Variants in CENPP observed in about 807,000 individuals in gnomAD.
CENPP encodes centromere protein P.
Under a neutral mutation model 35.6 loss-of-function variants are expected in CENPP, and 24 were observed. That is an observed-to-expected ratio of 0.67 (90% confidence interval 0.49 to 0.95). The LOEUF (loss-of-function observed/expected upper bound fraction) is 0.95. Among genes scored for constraint, CENPP ranks in the 40% least tolerant of loss-of-function variants. CENPP has a pLI of 0.00. For synonymous variants in CENPP, 120 were observed against 125.5 expected (o/e 0.96, Z 0.29); for missense variants, 332 against 345.3 (o/e 0.96, Z 0.31).
At chr9:92,563,922 A>G (rs992139173) in intron 5 of CENPP, among the ~76,000 whole-genome samples, 1 of 152,200 alleles carries the variant, frequency 6.6e-6, no homozygotes, top group African/African-American at 2.4e-5. Flanking sequence ...CCCAAAGGCT[A>G]CAGGGGAGGA....
At chr9:92,380,970 G>C (rs1170885165) in intron 5 of CENPP, among the ~76,000 whole-genome samples, 1 of 152,096 alleles carries the variant, frequency 6.6e-6, no homozygotes, top group Non-Finnish European at 1.5e-5. Flanking sequence ...TCTAGGAGCT[G>C]GTCTTTGCTA....
rs137908109 is a variant in CENPP at position 92,575,235 on chromosome 9, G to A, written c.565-36079G>A. On this transcript the variant is annotated intron_variant, in intron 5 of 7. Transcript: ENST00000375587. ...CTTAGTGAAAATGTAAAAGTTTTGTGTACTAACAGACATTATGAACAGTGA... is the reference window on the plus strand; with the variant it reads ...CTTAGTGAAAATGTAAAAGTTTTGTATACTAACAGACATTATGAACAGTGA... Among the ~76,000 whole-genome samples the A allele has an allele frequency of 2.6e-5, 4 of 152,242 alleles. No individual in the cohort carries two copies. In the East Asian group the frequency reaches 5.8e-4, roughly 22 times the overall value.
At chr9:92,400,609 A>C (rs1161401075) in intron 5 of CENPP, among the ~76,000 whole-genome samples, 1 of 152,174 alleles carries the variant, frequency 6.6e-6, no homozygotes, top group African/African-American at 2.4e-5. Flanking sequence ...TCTGTGATAG[A>C]GTAAGAGTAA....
In CENPP at chr9:92,616,169, G is replaced by C; in HGVS notation, c.*3020G>C. The C allele has an allele frequency of 1.4e-6, 1 of 733,678 alleles. No homozygotes were observed. Among genetic ancestry groups the C allele is most frequent in the South Asian group, 1.9e-5 (1 of 53,374 alleles). 45.4% of individuals were successfully genotyped at this position (733,678 alleles called of 1,614,324 possible). A position where few individuals can be genotyped will look rare whatever the true frequency, so the allele number is the denominator to read the frequency against. Reference sequence around the variant, plus strand: ...TAGTATGTTTTTATGTTTTTTCTTTGACTTCTGCAAAGTTAGATAAATCAA... The same window carrying C: ...TAGTATGTTTTTATGTTTTTTCTTTCACTTCTGCAAAGTTAGATAAATCAA... On this transcript the variant is annotated 3_prime_UTR_variant, in exon 8 of 8. Coordinates refer to ENST00000375587, the MANE Select transcript of CENPP (RefSeq NM_001012267.3).
At chr9:92,587,560 C>T (rs1850570988) in intron 5 of CENPP, among the ~76,000 whole-genome samples, 1 of 152,246 alleles carries the variant, frequency 6.6e-6, no homozygotes, top group South Asian at 2.1e-4. Flanking sequence ...ACTGATGAAC[C>T]TTGAAAATTG....
At chr9:92,347,863 C>T (rs1841335796) in intron 4 of CENPP, among the ~76,000 whole-genome samples, 1 of 152,112 alleles carries the variant, frequency 6.6e-6, no homozygotes, top group Non-Finnish European at 1.5e-5. Context: ...GGCATTGTTA[C>T]TATGTTTGCC....
At chr9:92,503,261 T>C (rs1343624905) in intron 5 of CENPP, among the ~76,000 whole-genome samples, 2 of 152,186 alleles carry the variant, frequency 1.3e-5, no homozygotes, top group African/African-American at 4.8e-5. Context: ...ATTATCTCAT[T>C]TGGGCTTAAA....
chr9:92,502,670 G>T, intron 5 of CENPP: 1 of 1,523,676 alleles, frequency 6.6e-7, no homozygotes, highest in Non-Finnish European at 8.9e-7. Context: ...TAAGAGAGAA[G>T]ACTATTATTT....
At chr9:92,522,495 C>G in intron 5 of CENPP, 1 of 1,312,134 alleles carries the variant, frequency 7.6e-7, no homozygotes, top group Non-Finnish European at 1.0e-6. Context: ...TTCTCCCTCT[C>G]TCCCTCTCTC....
chr9:92,377,970 C>G (rs1842161903), intron 4 of CENPP, among the ~76,000 whole-genome samples: 1 of 152,144 alleles, frequency 6.6e-6, no homozygotes, highest in African/African-American at 2.4e-5. Context: ...TCTCCCTTAT[C>G]TCTTCTTGGG....
intron 5 of CENPP, among the ~76,000 whole-genome samples, chr9:92,566,258 C>A (rs907584849): frequency 6.6e-6 from 1 of 151,390 alleles, no homozygotes; most frequent in Non-Finnish European, 1.5e-5. Context: ...AAAGATTGCG[C>A]CATTGCACTC....
rs3078372 is a variant in CENPP, at chr9:92,474,742, CTCA to C, written c.564+94925_564+94927del. On this transcript the variant is annotated intron_variant, in intron 5 of 7. Transcript: ENST00000375587. The stretch of plus-strand genomic sequence containing the variant: ...CTCTTGTTGGAAAAAGAGAGTTGTC[CTCA>C]TCATCATCATCATCATCATCATCAT... The C allele has an allele frequency of 0.44, 673,354 of 1,532,104 alleles. 124,043 individuals are homozygous for C. The highest frequency in any genetic ancestry group is 0.57 in the East Asian group (24,275 of 42,634). The allele number at this position is 1,532,104 out of a possible 1,614,324, so 94.9% of individuals were successfully genotyped here.
intron 5 of CENPP, among the ~76,000 whole-genome samples, chr9:92,468,918 G>A (rs1845410977): frequency 6.6e-6 from 1 of 152,180 alleles, no homozygotes; most frequent in South Asian, 2.1e-4. Flanking sequence ...TATGGACTAA[G>A]TCCCTGGAAT....
At chr9:92,552,223 G>A (rs1385136009) in intron 5 of CENPP, among the ~76,000 whole-genome samples, 1 of 141,260 alleles carries the variant, frequency 7.1e-6, no homozygotes, top group Non-Finnish European at 1.5e-5. Flanking sequence ...ACACCCCACA[G>A]TTTCTTTATC....
intron 5 of CENPP, chr9:92,509,789 TA>T: frequency 8.2e-7 from 1 of 1,216,624 alleles, no homozygotes; most frequent in Non-Finnish European, 1.1e-6. Flanking sequence ...TTAAGTGACC[TA>T]AAAATATTTA....
chr9:92,439,026 G>T (rs1844317401), intron 5 of CENPP, among the ~76,000 whole-genome samples: 1 of 152,180 alleles, frequency 6.6e-6, no homozygotes, highest in Non-Finnish European at 1.5e-5. Flanking sequence ...AATGCTTGGT[G>T]CTGTTCTTTT....
chr9:92,602,632 C>T (rs369084731), intron 5 of CENPP, among the ~76,000 whole-genome samples: 4 of 152,062 alleles, frequency 2.6e-5, no homozygotes, highest in Non-Finnish European at 4.4e-5. Context: ...TGAAGGGGCA[C>T]GTTCTGGTTT....
intron 5 of CENPP, chr9:92,415,378 C>G: frequency 6.2e-7 from 1 of 1,613,420 alleles, no homozygotes; most frequent in Non-Finnish European, 8.5e-7. Context: ...GATGTATGAG[C>G]TTATTGGTTC....
intron 5 of CENPP, among the ~76,000 whole-genome samples, chr9:92,399,349 T>G (rs1843016606): frequency 1.3e-5 from 2 of 152,244 alleles, no homozygotes; most frequent in Non-Finnish European, 2.9e-5. Context: ...AATCATCTTG[T>G]GAACTGTCAT....
Sources: gnomAD v4.1 joint callset for allele counts (sites outside exome capture counted in the v4.1 genomes callset) on GRCh38, gnomAD v4.1.1 for gene constraint, MANE v1.5 for transcripts, NCBI Gene and HGNC (gene_info 2026-07-23, HGNC 2026-07-21) for gene names.